Variants in DNA2 observed in about 807,000 individuals in gnomAD.
DNA2 encodes the protein DNA replication helicase/nuclease 2, also known as DNA replication ATP-dependent helicase/nuclease DNA2.
DNA2 carries 101 observed loss-of-function variants against 119.1 expected under a neutral mutation model. The observed-to-expected ratio is 0.85, with a 90% CI of 0.72 to 1.00. The LOEUF (loss-of-function observed/expected upper bound fraction) is 1.00. Among genes scored for constraint, DNA2 ranks in the 50% least tolerant of loss-of-function variants. The pLI, the probability that DNA2 is intolerant of heterozygous loss-of-function variation, is 0.00. For missense variants in DNA2, 1,121 were observed against 1,255.5 expected (o/e 0.89, Z 1.62); for synonymous variants, 366 against 424.4 (o/e 0.86, Z 1.69).
chr10:68,471,631 G>A (rs531857816), intron 1 of DNA2, among the ~76,000 whole-genome samples, 160 bp downstream of exon 1: 14 of 152,318 alleles, frequency 9.2e-5, no homozygotes, highest in African/African-American at 2.9e-4. Context: ...CACCTTGGGA[G>A]GCAGGCCCCG....
chr10:68,467,709 C>T (rs1188713666), intron 3 of DNA2, among the ~76,000 whole-genome samples: 1 of 152,090 alleles, frequency 6.6e-6, no homozygotes, highest in East Asian at 1.9e-4. Context: ...CGCCACCACA[C>T]CTGGCTAATT....
rs1201206781 is a variant in DNA2, at chr10:68,442,964, A to G, written c.1368T>C (p.Asp456=). 1.2e-6 allele frequency: 2 copies of G among 1,612,364 alleles called. No homozygotes were observed. Among genetic ancestry groups the G allele is most frequent in the Non-Finnish European group, 8.5e-7 (1 of 1,179,480 alleles). Residue 456 remains aspartate (D), a synonymous_variant, in exon 9 of 21, where the codon GAT becomes GAC. Coordinates refer to ENST00000358410, the MANE Select transcript of DNA2 (RefSeq NM_001080449.3). ...LMLTLESQSK[D]NKKNHQNIWL... ...AGATATTTTGGTGATTCTTTTTATTATCCTTCGATTGTGACTCCAGGGTTA... is the reference window on the plus strand; with the variant it reads ...AGATATTTTGGTGATTCTTTTTATTGTCCTTCGATTGTGACTCCAGGGTTA...
upstream of DNA2, chr10:68,472,023 G>T: frequency 6.2e-7 from 1 of 1,607,954 alleles, no homozygotes; most frequent in South Asian, 1.1e-5. Flanking sequence ...CGCCCCTCCC[G>T]CGCCGGCGCG....
At position 68,459,160 on chromosome 10, in the gene DNA2, T is replaced by C; in HGVS notation, c.663A>G (p.Ala221=). Residue 221 remains alanine (A), a synonymous_variant, in exon 5 of 21, where the codon GCA becomes GCG. Transcript: ENST00000358410. The stretch of plus-strand genomic sequence containing the variant: ...AAGTGTTTTTATGCATGAAATCTCC[T>C]GCCCATTTACAAAACGAAGGAAGAT... The part of the protein sequence containing the change: ...EDYLPSFCKW[A]GDFMHKNTST... 5.0e-6 allele frequency: 8 copies of C among 1,595,140 alleles called. No homozygotes were observed. In the East Asian group the frequency reaches 1.3e-4, roughly 27 times the overall value.
intron 3 of DNA2, among the ~76,000 whole-genome samples, chr10:68,467,904 C>T (rs960163005): frequency 3.3e-5 from 5 of 152,154 alleles, no homozygotes; most frequent in African/African-American, 2.4e-5. Flanking sequence ...AGGACTCAGG[C>T]ACCTGGCCTT....
chr10:68,448,822 G>A (rs868159086), intron 6 of DNA2, among the ~76,000 whole-genome samples: 11 of 130,602 alleles, frequency 8.4e-5, no homozygotes, highest in South Asian at 2.4e-4. Flanking sequence ...CTGTCACCCC[G>A]GCTGGGGTGC....
intron 13 of DNA2, among the ~76,000 whole-genome samples, chr10:68,431,239 A>T (rs2051816917): frequency 1.3e-5 from 2 of 151,360 alleles, no homozygotes; most frequent in South Asian, 4.3e-4. Flanking sequence ...GAAAAGAAAA[A>T]AAGAAATTTA....
chr10:68,428,012 G>A (rs997026135), intron 14 of DNA2, among the ~76,000 whole-genome samples: 16 of 149,676 alleles, frequency 1.1e-4, no homozygotes, highest in South Asian at 4.3e-4. Flanking sequence ...CAGCCTGGGC[G>A]CCAGAGCCAA....
chr10:68,444,885 C>A, intron 8 of DNA2, 36 bp downstream of exon 8: 1 of 1,572,388 alleles, frequency 6.4e-7, no homozygotes, highest in Non-Finnish European at 8.7e-7. Context: ...AGTTCATACT[C>A]AACTAGAAAT....
In DNA2 at chr10:68,446,298, CT is replaced by C; in HGVS notation, c.1054del (p.Arg352GlufsTer4). 6.4e-7 allele frequency: 1 copy of C among 1,560,440 alleles called. No individual in the cohort carries two copies. The highest frequency in any genetic ancestry group is 2.3e-5 in the East Asian group (1 of 43,236). On this transcript the variant is annotated frameshift_variant, in exon 7 of 21. Coordinates refer to ENST00000358410, the MANE Select transcript of DNA2 (RefSeq NM_001080449.3). LOFTEE classifies it high-confidence loss of function. ...YPVPANHLDK[R>X]ELLKLRNQMA... ...AACTAAAAAAAAAACGGCTCAACCT[CT>C]TTTATCTAGATGGTTGGCAGGCACA... is the stretch of plus-strand genomic sequence containing the variant.
chr10:68,461,828 CAAA>C (rs554059657), intron 4 of DNA2, among the ~76,000 whole-genome samples: 24 of 70,276 alleles, frequency 3.4e-4, no homozygotes, highest in African/African-American at 9.5e-4. Context: ...AACTCCGTCT[CAAA>C]AAAAAAAAAA....
intron 1 of DNA2, 42 bp downstream of exon 1, chr10:68,471,749 A>ATCTCCC: frequency 6.5e-7 from 1 of 1,530,846 alleles, no homozygotes; most frequent in Non-Finnish European, 8.8e-7. Context: ...CTTCTTTCAA[A>ATCTCCC]TCTCCCGCTT....
At chr10:68,450,335 G>T in intron 5 of DNA2, 88 bp from the exon 6 acceptor site, 1 of 1,016,476 alleles carries the variant, frequency 9.8e-7, no homozygotes, top group Non-Finnish European at 1.4e-6. Context: ...TACACACAGA[G>T]AATGTGGGGA....
intron 9 of DNA2, among the ~76,000 whole-genome samples, chr10:68,441,489 G>C (rs932309759): frequency 6.6e-6 from 1 of 151,822 alleles, no homozygotes; most frequent in African/African-American, 2.4e-5. Context: ...TAAAATACGA[G>C]TATTTAGACC....
intron 14 of DNA2, among the ~76,000 whole-genome samples, chr10:68,424,061 G>T (rs1024062651): frequency 2.6e-5 from 4 of 152,102 alleles, no homozygotes; most frequent in Admixed American, 2.0e-4. Context: ...TGACAGAGAG[G>T]TCAGAACTAT....
intron 4 of DNA2, among the ~76,000 whole-genome samples, chr10:68,460,703 T>C (rs1395979167): frequency 6.6e-6 from 1 of 152,100 alleles, no homozygotes; most frequent in Admixed American, 6.6e-5. Context: ...CCATTGCACC[T>C]GGCCTAACAC....
At position 68,459,159 on chromosome 10, in the gene DNA2, C is replaced by T; in HGVS notation, c.664G>A (p.Gly222Arg). The T allele has an allele frequency of 6.3e-7, 1 of 1,595,264 alleles. No individual in the cohort carries two copies. Among genetic ancestry groups the T allele is most frequent in the Non-Finnish European group, 8.5e-7 (1 of 1,169,864 alleles). ...DYLPSFCKWA[G>R]DFMHKNTSTD... is the part of the protein sequence containing the mutation. ...GAAGTGTTTTTATGCATGAAATCTC[C>T]TGCCCATTTACAAAACGAAGGAAGA... The change falls in exon 5 of 21, where the codon GGA becomes AGA. Residue 222 changes from glycine to arginine, a missense_variant. By Grantham distance (125) the Gly-to-Arg change is moderately radical. Coordinates refer to ENST00000358410, the MANE Select transcript of DNA2 (RefSeq NM_001080449.3).
intron 14 of DNA2, 85 bp from the exon 15 acceptor site, chr10:68,422,975 A>T (rs1239134439): frequency 9.4e-7 from 1 of 1,068,674 alleles, no homozygotes; most frequent in Non-Finnish European, 1.3e-6. Flanking sequence ...GAAAAGATCA[A>T]AAGGTTTTTG....
At chr10:68,471,983 C>G (rs771817278), upstream of DNA2, 2 of 1,611,528 alleles carry the variant, frequency 1.2e-6, no homozygotes, top group Non-Finnish European at 1.7e-6. Flanking sequence ...TGCGCCAACC[C>G]GCAGATGTCC....
Sources: gnomAD v4.1 joint callset for allele counts (sites outside exome capture counted in the v4.1 genomes callset) on GRCh38, gnomAD v4.1.1 for gene constraint, MANE v1.5 for transcripts, NCBI Gene and HGNC (gene_info 2026-07-23, HGNC 2026-07-21) for gene names.